FYN: variants seen among roughly 807,000 people sequenced by gnomAD.
FYN encodes tyrosine-protein kinase Fyn.
A neutral mutation model predicts 70.2 loss-of-function variants in FYN; 10 were observed. That is an observed-to-expected ratio of 0.14 (90% CI 0.09 to 0.24). The LOEUF is 0.24. FYN is among the 10% of genes least tolerant of loss of function. FYN has a pLI of 1.00. For missense variants in FYN, 319 were observed against 673.1 expected, an observed-to-expected ratio of 0.47 and a Z score of 5.82; for synonymous variants, 236 against 248.6, an observed-to-expected ratio of 0.95 and a Z score of 0.48.
intron 3 of FYN, among the ~76,000 whole-genome samples, chr6:111,774,183 T>C (rs958918409): frequency 6.6e-6 from 1 of 152,172 alleles, no homozygotes; most frequent in African/African-American, 2.4e-5. Context: ...CCTGTTTCCA[T>C]ATGGAGTGGG....
intron 2 of FYN, among the ~76,000 whole-genome samples, chr6:111,821,438 G>A (rs9384807): frequency 0.045 from 6,856 of 151,918 alleles, 178 homozygotes; most frequent in East Asian, 0.14. Flanking sequence ...CATATGTAGA[G>A]AGCTGAAACT....
In FYN at chr6:111,714,436, T is replaced by C. The variant is rs768303704; in HGVS notation, c.255A>G (p.Thr85=). 1 of 1,613,474 alleles carries C rather than the reference T, an allele frequency of 6.2e-7. No homozygotes were observed. The highest frequency in any genetic ancestry group is 8.5e-7 in the Non-Finnish European group (1 of 1,179,470). The change falls in exon 5 of 14, where the codon ACA becomes ACG. Residue 85 remains threonine, a synonymous_variant. Coordinates refer to ENST00000354650, the MANE Select transcript of FYN (RefSeq NM_002037.5). ...CATAGTCATAAAGGGCCACAAAGAG[T>C]GTCACTCCTGCCGAAACGAAATTCA... is the stretch of plus-strand genomic sequence containing the variant. ...TLRTRGGTGV[T]LFVALYDYEA...
At chr6:111,773,614 G>GAA (rs1803577664) in intron 3 of FYN, among the ~76,000 whole-genome samples, 1 of 80,892 alleles carries the variant, frequency 1.2e-5, no homozygotes, top group Non-Finnish European at 2.4e-5. Context: ...GAGGGGGAGG[G>GAA]AGAGAGGGGG....
intron 13 of FYN, among the ~76,000 whole-genome samples, chr6:111,670,865 A>C (rs1417506375): frequency 6.6e-6 from 1 of 152,170 alleles, no homozygotes; most frequent in Non-Finnish European, 1.5e-5. Context: ...AAAATGCATA[A>C]CTGATTTTAT....
chr6:111,702,684 T>C (rs879000373), intron 8 of FYN: 28 of 416,270 alleles, frequency 6.7e-5, no homozygotes, highest in Non-Finnish European at 1.1e-4. Flanking sequence ...CGGACAAACA[T>C]GTGGAACTAA....
intron 9 of FYN, 114 bp from the exon 10 acceptor site, chr6:111,696,570 A>G (rs898091853): frequency 6.2e-6 from 5 of 802,730 alleles, no homozygotes; most frequent in Non-Finnish European, 9.2e-6. Flanking sequence ...CACTTAATAC[A>G]GTTTTTGTTG....
intron 8 of FYN, 143 bp from the exon 9 acceptor site, chr6:111,700,411 T>C: frequency 1.3e-6 from 1 of 744,700 alleles, no homozygotes; most frequent in Non-Finnish European, 2.2e-6. Flanking sequence ...ACACACATCG[T>C]GGAACACTAG....
At chr6:111,808,221 A>G (rs1023492491) in intron 2 of FYN, among the ~76,000 whole-genome samples, 9 of 151,978 alleles carry the variant, frequency 5.9e-5, no homozygotes, top group African/African-American at 2.2e-4. Context: ...CTGCAAACAC[A>G]CTCTCTATCA....
intron 3 of FYN, among the ~76,000 whole-genome samples, chr6:111,732,317 G>A (rs1352333041): frequency 6.6e-6 from 1 of 152,218 alleles, no homozygotes; most frequent in African/African-American, 2.4e-5. Flanking sequence ...CCTACAGAGT[G>A]ATTAAACCTT....
At chr6:111,830,281 G>A (rs984910079) in intron 2 of FYN, among the ~76,000 whole-genome samples, 8 of 152,214 alleles carry the variant, frequency 5.3e-5, no homozygotes, top group African/African-American at 1.9e-4. Flanking sequence ...TGGGATAACA[G>A]TGGTTTGAGA....
rs554601232 is a variant in FYN at position 111,667,970 on chromosome 6, C to T, written c.1406-6023G>A. Among the ~76,000 whole-genome samples, 432 of 152,314 alleles carry T rather than the reference C, an allele frequency of 2.8e-3. 1 individual carries two copies. The highest frequency in any genetic ancestry group is 1.0e-2 in the African/African-American group (414 of 41,574). ...TTTAGATTATCAGATACCCAAATTC[C>T]TTTTGCTAACTGAGCTTTCCGTTCA... On this transcript the variant is annotated intron_variant, in intron 13 of 13. Coordinates refer to ENST00000354650, the MANE Select transcript of FYN (RefSeq NM_002037.5).
chr6:111,812,640 G>A (rs910002815), intron 2 of FYN, among the ~76,000 whole-genome samples: 6 of 143,462 alleles, frequency 4.2e-5, no homozygotes, highest in Non-Finnish European at 7.6e-5. Flanking sequence ...TTAAGGGAGG[G>A]AGGTTGGACA....
At position 111,696,407 on chromosome 6, in the gene FYN, G is replaced by T. The variant is rs772334323; in HGVS notation, c.912C>A (p.Gly304=). 3 of 1,612,546 alleles carry T rather than the reference G, an allele frequency of 1.9e-6. No homozygotes were observed. The highest frequency in any genetic ancestry group is 2.5e-6 in the Non-Finnish European group (3 of 1,179,342). ...TKVAIKTLKP[G]TMSPESFLEE... ...CAAGGAATGATTCGGGGGACATTGT[G>T]CCTGGTTTAAGAGTCTTTATGGCTA... Residue 304 remains glycine, a synonymous_variant, in exon 10 of 14, where the codon GGC becomes GGA. Transcript: ENST00000354650.
chr6:111,713,672 AG>A (rs1490828957), intron 5 of FYN, among the ~76,000 whole-genome samples: 1 of 152,124 alleles, frequency 6.6e-6, no homozygotes, highest in African/African-American at 2.4e-5. Context: ...CTTCTTATGG[AG>A]GTACTGAATG....
intron 13 of FYN, among the ~76,000 whole-genome samples, chr6:111,663,622 T>C (rs1797866849): frequency 1.3e-5 from 2 of 152,222 alleles, no homozygotes; most frequent in Non-Finnish European, 2.9e-5. Flanking sequence ...TGTACTGAAG[T>C]AGGCCTTCAA....
In FYN at chr6:111,696,400, A is replaced by C. The variant is rs773096270; in HGVS notation, c.919T>G (p.Ser307Ala). The C allele has an allele frequency of 1.2e-5, 19 of 1,612,528 alleles. No homozygotes were observed. Among genetic ancestry groups the C allele is most frequent in the Non-Finnish European group, 1.3e-5 (15 of 1,179,384 alleles). ...AIKTLKPGTM[S>A]PESFLEEAQI... Reference sequence around the variant, plus strand: ...GCTTCCTCAAGGAATGATTCGGGGGACATTGTGCCTGGTTTAAGAGTCTTT... The same window carrying C: ...GCTTCCTCAAGGAATGATTCGGGGGCCATTGTGCCTGGTTTAAGAGTCTTT... The change falls in exon 10 of 14, where the codon TCC becomes GCC. Residue 307 changes from serine to alanine, a missense_variant. Transcript: ENST00000354650.
intron 3 of FYN, among the ~76,000 whole-genome samples, chr6:111,769,494 T>C (rs1330359461): frequency 6.6e-6 from 1 of 152,218 alleles, no homozygotes; most frequent in Non-Finnish European, 1.5e-5. Context: ...AAATGGAATC[T>C]AACCTTTACT....
chr6:111,821,261 G>A (rs570984979), intron 2 of FYN, among the ~76,000 whole-genome samples: 14 of 152,060 alleles, frequency 9.2e-5, no homozygotes, highest in East Asian at 3.9e-4. Flanking sequence ...AACCAAAACA[G>A]CATGGTACTG....
intron 2 of FYN, among the ~76,000 whole-genome samples, chr6:111,834,918 T>C (rs1773129688): frequency 6.6e-6 from 1 of 152,122 alleles, no homozygotes; most frequent in Non-Finnish European, 1.5e-5. Context: ...ACACCCAGAC[T>C]CTCAACTTGG....
Sources: gnomAD v4.1 joint callset for allele counts (sites outside exome capture counted in the v4.1 genomes callset) on GRCh38, gnomAD v4.1.1 for gene constraint, MANE v1.5 for transcripts, NCBI Gene and HGNC (gene_info 2026-07-23, HGNC 2026-07-21) for gene names.